Variants in CSMD3 observed in about 807,000 individuals in gnomAD.
The protein encoded by CSMD3 is CUB and sushi domain-containing protein 3.
In CSMD3, 177 loss-of-function variants were observed where a neutral mutation model predicts 435.2. That is an observed-to-expected ratio of 0.41 (90% CI 0.36 to 0.46). CSMD3 has a LOEUF of 0.46. Ranked by LOEUF, CSMD3 falls within the 20% of genes least tolerant of loss-of-function variation. The pLI, the probability that CSMD3 is intolerant of heterozygous loss-of-function variation, is 0.34. For synonymous variants in CSMD3, 1,656 were observed against 1,520.5 expected, an observed-to-expected ratio of 1.09 and a Z score of -2.07; for missense variants, 4,265 against 4,504.6, an observed-to-expected ratio of 0.95 and a Z score of 1.52.
intron 24 of CSMD3, among the ~76,000 whole-genome samples, chr8:112,558,971 G>A (rs72676652): frequency 0.021 from 3,129 of 151,600 alleles, 45 homozygotes; most frequent in Middle Eastern, 0.034. Flanking sequence ...TACTTTCTCC[G>A]GAAAAAGCAC....
intron 23 of CSMD3, among the ~76,000 whole-genome samples, chr8:112,576,854 A>G (rs1052427077): frequency 5.4e-5 from 8 of 148,734 alleles, no homozygotes; most frequent in African/African-American, 2.0e-4. Context: ...ATATATATAT[A>G]TATGAAAGAA....
chr8:112,660,034 G>A (rs1443030535), intron 17 of CSMD3, among the ~76,000 whole-genome samples: 2 of 152,004 alleles, frequency 1.3e-5, no homozygotes, highest in African/African-American at 4.8e-5. Flanking sequence ...AATGACTCAC[G>A]AGTAGTGGAA....
At chr8:113,302,302 A>AT (rs200462130) in intron 2 of CSMD3, among the ~76,000 whole-genome samples, 66 of 121,744 alleles carry the variant, frequency 5.4e-4, no homozygotes, top group East Asian at 3.2e-3. Flanking sequence ...ATAATATAAT[A>AT]TATATATTAT....
intron 7 of CSMD3, 136 bp from the exon 8 acceptor site, chr8:112,954,897 G>T: frequency 9.5e-6 from 6 of 628,978 alleles, no homozygotes; most frequent in Non-Finnish European, 1.7e-5. Flanking sequence ...GTACCCAGAA[G>T]AATTTTTTTT....
Position 112,265,423 on chromosome 8 carries a change from G to C in CSMD3, c.9676C>G (p.Pro3226Ala). 1 of 1,611,312 alleles carries C rather than the reference G, an allele frequency of 6.2e-7. No homozygotes were observed. The highest frequency in any genetic ancestry group is 1.7e-4 in the Middle Eastern group (1 of 6,056). Residue 3226 changes from proline to alanine, a missense_variant, in exon 60 of 71, where the codon CCA becomes GCA. Transcript: ENST00000297405. ...TINGTWSGVMPTCRAVTCPTP... is the reference protein window; with the variant it reads ...TINGTWSGVMATCRAVTCPTP... ...ATCATTATCATACCTCTACAAGTTG[G>C]CATTACTCCACTCCATGTGCCATTA...
At chr8:112,325,191 T>C (rs935339689) in intron 45 of CSMD3, among the ~76,000 whole-genome samples, 7 of 152,170 alleles carry the variant, frequency 4.6e-5, no homozygotes, top group African/African-American at 1.4e-4. Context: ...AAATCAAACC[T>C]GTCTACAACC....
At chr8:113,281,177 G>C (rs1325059606) in intron 2 of CSMD3, among the ~76,000 whole-genome samples, 2 of 151,772 alleles carry the variant, frequency 1.3e-5, no homozygotes, top group Non-Finnish European at 2.9e-5. Flanking sequence ...ATATCTATCT[G>C]TTAAGTCAGT....
At position 112,829,724 on chromosome 8, in the gene CSMD3, A is replaced by G. The variant is rs148553504; in HGVS notation, c.1821T>C (p.Asp607=). The G allele has an allele frequency of 4.9e-5, 79 of 1,613,424 alleles. 2 individuals are homozygous for G. The South Asian group carries it at 6.5e-4, about 13-fold the overall frequency. Residue 607 remains aspartate, a synonymous_variant, in exon 12 of 71, where the codon GAT becomes GAC. Coordinates refer to ENST00000297405, the MANE Select transcript of CSMD3 (RefSeq NM_198123.2). ...TCCTAGGATCTCCAACTTCGCCCCC[A>G]TCGCCAATTGTCAAGGTATCATAGC... ...EIGYDTLTIG[D]GGEVGDPRTV... is the part of the protein sequence containing the mutation.
intron 11 of CSMD3, among the ~76,000 whole-genome samples, chr8:112,855,983 G>C (rs1304260056): frequency 6.6e-6 from 1 of 151,820 alleles, no homozygotes; most frequent in Non-Finnish European, 1.5e-5. Context: ...ACAAGTATAA[G>C]AGGGAAATTA....
intron 59 of CSMD3, among the ~76,000 whole-genome samples, chr8:112,269,563 C>A (rs10216611): frequency 0.035 from 5,386 of 152,208 alleles, 120 homozygotes; most frequent in Non-Finnish European, 0.046. Context: ...GTCTTCTTCC[C>A]AAAACACCAT....
rs565001013 is a variant in CSMD3, at chr8:113,361,929, A to G, written c.179-47136T>C. ...CAATGTTATTTCCTATTTTGCATGA[A>G]CATGTCTATTAAGGATTAGTCCAAT... On this transcript the variant is annotated intron_variant, in intron 1 of 70. Transcript: ENST00000297405. Among the ~76,000 whole-genome samples, 19 of 152,310 alleles carry G rather than the reference A, an allele frequency of 1.2e-4. No individual in the cohort carries two copies. In the South Asian group the frequency reaches 3.9e-3, roughly 32 times the overall value.
At chr8:113,219,053 A>C (rs1410063978) in intron 3 of CSMD3, among the ~76,000 whole-genome samples, 1 of 151,420 alleles carries the variant, frequency 6.6e-6, no homozygotes, top group Non-Finnish European at 1.5e-5. Context: ...TCTTGGAAAA[A>C]CAGGAATGGA....
At chr8:112,688,958 C>T (rs1014251964) in intron 14 of CSMD3, among the ~76,000 whole-genome samples, 1 of 151,886 alleles carries the variant, frequency 6.6e-6, no homozygotes, top group African/African-American at 2.4e-5. Context: ...AGTATTAAGC[C>T]AACGTTGTCC....
At chr8:113,229,070 G>T (rs371322031) in intron 3 of CSMD3, among the ~76,000 whole-genome samples, 1 of 151,488 alleles carries the variant, frequency 6.6e-6, no homozygotes, top group African/African-American at 2.4e-5. Context: ...CTTGCATGGG[G>T]TATCTTTGAA....
At chr8:112,654,521 C>G (rs1162743127) in intron 18 of CSMD3, among the ~76,000 whole-genome samples, 1 of 152,162 alleles carries the variant, frequency 6.6e-6, no homozygotes. Flanking sequence ...TCCACTTTGC[C>G]TTTTAAGGCA....
chr8:112,783,795 C>G (rs1431497120), intron 13 of CSMD3, among the ~76,000 whole-genome samples: 6 of 150,936 alleles, frequency 4.0e-5, no homozygotes. Context: ...AGTGGCTATA[C>G]TTATATCAGA....
chr8:112,400,935 G>A (rs537063609), intron 35 of CSMD3, among the ~76,000 whole-genome samples: 121 of 152,216 alleles, frequency 7.9e-4, no homozygotes, highest in Middle Eastern at 3.4e-3. Context: ...GGCCAGGCCC[G>A]GTGGCTCACA....
chr8:112,810,942 C>A (rs2132385949), intron 12 of CSMD3, among the ~76,000 whole-genome samples: 1 of 152,014 alleles, frequency 6.6e-6, no homozygotes, highest in African/African-American at 2.4e-5. Flanking sequence ...GTAGATACCA[C>A]AACAGTTTAT....
intron 21 of CSMD3, among the ~76,000 whole-genome samples, chr8:112,637,452 T>C (rs1352397859): frequency 6.6e-6 from 1 of 152,180 alleles, no homozygotes; most frequent in Non-Finnish European, 1.5e-5. Flanking sequence ...CTGCTTCTTG[T>C]ATACAAGTTC....
Sources: allele counts gnomAD v4.1 joint callset (sites outside exome capture counted in the v4.1 genomes callset), GRCh38; gene constraint gnomAD v4.1.1; transcripts MANE v1.5; gene names NCBI Gene and HGNC (gene_info 2026-07-23, HGNC 2026-07-21).